Variants in KDM5A observed in about 807,000 individuals in gnomAD.
KDM5A encodes lysine demethylase 5A.
Under a neutral mutation model 193.5 loss-of-function variants are expected in KDM5A, and 42 were observed. The observed-to-expected ratio is 0.22, with a 90% CI of 0.17 to 0.28. The LOEUF (loss-of-function observed/expected upper bound fraction) is 0.28. Ranked by LOEUF, KDM5A falls within the 10% of genes least tolerant of loss-of-function variation. The pLI is 1.00. For synonymous variants in KDM5A, 796 were observed against 718.1 expected (o/e 1.11, Z -1.73); for missense variants, 1,692 against 2,055.1 (o/e 0.82, Z 3.42).
rs1943181302 is a variant in KDM5A at position 283,589 on chromosome 12, C to T, written c.*1867G>A. On this transcript the variant is annotated 3_prime_UTR_variant, in exon 28 of 28. Transcript: ENST00000399788. ...TTCCTTTTGAGTTAAATCTCATACC[C>T]ACTCAAACTGTAACTGGACAGTACA... 1 of 233,210 alleles carries T rather than the reference C, an allele frequency of 4.3e-6. No individual in the cohort carries two copies. Among genetic ancestry groups the T allele is most frequent in the Non-Finnish European group, 8.5e-6 (1 of 117,784 alleles). 14.4% of individuals were successfully genotyped at this position (233,210 alleles called of 1,614,324 possible).
At chr12:382,671 A>T (rs961125121) in intron 3 of KDM5A, among the ~76,000 whole-genome samples, 1 of 152,148 alleles carries the variant, frequency 6.6e-6, no homozygotes, top group Non-Finnish European at 1.5e-5. Context: ...TCACGCCTGT[A>T]ATCTATAATC....
intron 13 of KDM5A, among the ~76,000 whole-genome samples, chr12:329,575 A>G (rs532993345): frequency 6.6e-6 from 1 of 152,048 alleles, no homozygotes; most frequent in Non-Finnish European, 1.5e-5. Context: ...TGCAAAAACC[A>G]AAACAAAGGA....
At chr12:369,630 T>C (rs1215628521) in intron 3 of KDM5A, among the ~76,000 whole-genome samples, 1 of 152,212 alleles carries the variant, frequency 6.6e-6, no homozygotes, top group East Asian at 1.9e-4. Context: ...AGGAGTGAAG[T>C]AGTTAACTAG....
At chr12:346,216 G>C (rs1944073083) in intron 10 of KDM5A, among the ~76,000 whole-genome samples, 1 of 152,134 alleles carries the variant, frequency 6.6e-6, no homozygotes, top group African/African-American at 2.4e-5. Flanking sequence ...GACTAAACCA[G>C]GAAGAAGTTG....
chr12:336,813 C>G (rs968921063), intron 10 of KDM5A, among the ~76,000 whole-genome samples: 2 of 144,990 alleles, frequency 1.4e-5, no homozygotes, highest in African/African-American at 5.2e-5. Flanking sequence ...CCAGCCTGGG[C>G]AACAGAGCGA....
At chr12:285,807 TAAAG>T in intron 27 of KDM5A, 145 bp from the exon 28 acceptor site, 1 of 764,978 alleles carries the variant, frequency 1.3e-6, no homozygotes, top group Non-Finnish European at 2.3e-6. Flanking sequence ...GGTTATTTTT[TAAAG>T]AAAGAAGCTG....
At chr12:318,613 A>C in intron 18 of KDM5A, 152 bp from the exon 19 acceptor site, 1 of 629,858 alleles carries the variant, frequency 1.6e-6, no homozygotes, top group Non-Finnish European at 2.8e-6. Flanking sequence ...AGTTAAATTA[A>C]TAAATATGCT....
intron 1 of KDM5A, among the ~76,000 whole-genome samples, chr12:388,693 T>C (rs1048105558): frequency 6.6e-6 from 1 of 152,132 alleles, no homozygotes. Flanking sequence ...GAGAAAAGTA[T>C]CAGTTCCCAA....
chr12:285,307 C>A lies in KDM5A; in HGVS notation c.*149G>T. 1 of 675,156 alleles carries A rather than the reference C, an allele frequency of 1.5e-6. No homozygotes were observed. Among genetic ancestry groups the A allele is most frequent in the East Asian group, 2.7e-5 (1 of 37,114 alleles). 41.8% of individuals were successfully genotyped at this position (675,156 alleles called of 1,614,324 possible). On this transcript the variant is annotated 3_prime_UTR_variant, in exon 28 of 28. Transcript: ENST00000399788. ...GAGAATGTAACCCACAGAGTCCATG[C>A]AAAGAGGAAGCCAGCACTAAGGGGA...
At chr12:334,511 T>G (rs1317783541) in intron 10 of KDM5A, 89 bp from the exon 11 acceptor site, 20 of 897,928 alleles carry the variant, frequency 2.2e-5, no homozygotes, top group Non-Finnish European at 1.8e-6. Context: ...GAAAATTTTT[T>G]TATAATATTT....
intron 27 of KDM5A, among the ~76,000 whole-genome samples, chr12:292,532 T>G (rs75564912): frequency 0.01 from 1,526 of 152,360 alleles, 19 homozygotes; most frequent in African/African-American, 0.034. Context: ...TCTCTGCTCC[T>G]GTCTCATTAT....
At chr12:366,619 A>G (rs187419317) in intron 3 of KDM5A, among the ~76,000 whole-genome samples, 77 of 152,348 alleles carry the variant, frequency 5.1e-4, no homozygotes, top group African/African-American at 1.8e-3. Flanking sequence ...AGAGTTTTAT[A>G]TGGAAGATCA....
Position 282,674 on chromosome 12 carries a change from G to C in KDM5A, c.*2782C>G, listed in dbSNP as rs1190901700. 4.3e-6 allele frequency: 1 copy of C among 232,784 alleles called. No homozygotes were observed. The highest frequency in any genetic ancestry group is 8.5e-6 in the Non-Finnish European group (1 of 117,890). The allele number at this position is 232,784 out of a possible 1,614,324, so 14.4% of individuals were successfully genotyped here. A position where few individuals can be genotyped will look rare whatever the true frequency, so the allele number is the denominator to read the frequency against. ...TTCCATTTTTCTTTCTATAACCTTTGCCAGAGTTAAAATACTAATGATGAA... is the reference window on the plus strand; with the variant it reads ...TTCCATTTTTCTTTCTATAACCTTTCCCAGAGTTAAAATACTAATGATGAA... On this transcript the variant is annotated 3_prime_UTR_variant, in exon 28 of 28. Coordinates refer to ENST00000399788, the MANE Select transcript of KDM5A (RefSeq NM_001042603.3).
At chr12:350,427 C>CAAAA (rs10616968) in intron 10 of KDM5A, among the ~76,000 whole-genome samples, 194 bp downstream of exon 10, 1 of 101,170 alleles carries the variant, frequency 9.9e-6, no homozygotes, top group African/African-American at 3.3e-5. Flanking sequence ...GATTCCTTCT[C>CAAAA]AAAAAAAAAA....
chr12:305,639 ATG>A (rs1943494479), intron 24 of KDM5A, among the ~76,000 whole-genome samples: 2 of 152,224 alleles, frequency 1.3e-5, no homozygotes, highest in Non-Finnish European at 2.9e-5. Context: ...AAACAAGTCA[ATG>A]GATTGACTGT....
In KDM5A at chr12:357,827, C is replaced by CAAAAAAAAAAAAAAA. The variant is rs61577928; in HGVS notation, c.673-1305_673-1291dup. 8.0e-4 allele frequency among the ~76,000 whole-genome samples: 24 copies of CAAAAAAAAAAAAAAA among 29,864 alleles called. 5 individuals are homozygous for CAAAAAAAAAAAAAAA. Among genetic ancestry groups the CAAAAAAAAAAAAAAA allele is most frequent in the African/African-American group, 2.6e-3 (13 of 4,978 alleles). The allele number at this position is 29,864 out of a possible 152,430, so 19.6% of individuals were successfully genotyped here. ...TGGGCGACAGAGCAAGACTCAGTCT[C>CAAAAAAAAAAAAAAA]AAAAAAAAAAAAAAAAAAAAAAAAA... On this transcript the variant is annotated intron_variant, in intron 5 of 27. Transcript: ENST00000399788.
chr12:366,176 C>G (rs1041436691), intron 3 of KDM5A, 72 bp from the exon 4 acceptor site: 2 of 1,339,254 alleles, frequency 1.5e-6, no homozygotes. Context: ...GTCTTGTCTA[C>G]TAAATAGAAA....
In KDM5A at chr12:311,126, T is replaced by C. The variant is rs561587009; in HGVS notation, c.3037-62A>G. ...TCTTATGGGGTTTGGCAATATACTG[T>C]TGAAAGACCTTACAAAGTTTAGTGT... On this transcript the variant is annotated intron_variant, in intron 20 of 27. Transcript: ENST00000399788. 737 of 1,439,564 alleles carry C rather than the reference T, an allele frequency of 5.1e-4. 14 individuals carry two copies. The South Asian group carries it at 7.7e-3, about 15-fold the overall frequency. 89.2% of individuals were successfully genotyped at this position (1,439,564 alleles called of 1,614,324 possible). A position where few individuals can be genotyped will look rare whatever the true frequency, so the allele number is the denominator to read the frequency against.
chr12:374,315 G>A lies in KDM5A; in HGVS notation c.367-8211C>T, dbSNP rs985143569. 2.4e-4 allele frequency among the ~76,000 whole-genome samples: 36 copies of A among 152,152 alleles called. 1 individual carries two copies. Among genetic ancestry groups the A allele is most frequent in the Admixed American group, 2.2e-3 (34 of 15,274 alleles). On this transcript the variant is annotated intron_variant, in intron 3 of 27. Transcript: ENST00000399788. ...GATAGTTAGCTCTTCTTGTTGCATT[G>A]ATCCCTTTACCATTATGTAATGGCC...
Sources: gnomAD v4.1 joint callset for allele counts (sites outside exome capture counted in the v4.1 genomes callset) on GRCh38, gnomAD v4.1.1 for gene constraint, MANE v1.5 for transcripts, NCBI Gene and HGNC (gene_info 2026-07-23, HGNC 2026-07-21) for gene names.